The following MYO16 variants were observed in gnomAD, a reference collection of about 807,000 sequenced individuals.
MYO16 encodes the protein unconventional myosin-XVI.
Under a neutral mutation model 205.3 loss-of-function variants are expected in MYO16, and 94 were observed. That is an observed-to-expected ratio of 0.46 (90% CI 0.39 to 0.54). The LOEUF is 0.54. Among genes scored for constraint, MYO16 ranks in the 20% least tolerant of loss-of-function variants. The pLI is 0.00. For missense variants in MYO16, 2,315 were observed against 2,387.5 expected (o/e 0.97, Z 0.63); for synonymous variants, 988 against 954.0 (o/e 1.04, Z -0.66).
intron 28 of MYO16, among the ~76,000 whole-genome samples, chr13:109,106,171 AAG>A (rs1166184469): frequency 6.6e-6 from 1 of 152,266 alleles, no homozygotes; most frequent in Non-Finnish European, 1.5e-5. Flanking sequence ...TTATGAAACG[AAG>A]AGTTCATGGA....
At chr13:108,518,065 C>A in the MYO16 span, among the ~76,000 whole-genome samples, 1 of 152,218 alleles carries the variant, frequency 6.6e-6, no homozygotes, top group East Asian at 1.9e-4. Flanking sequence ...TGGGGGGACA[C>A]CAACATTCAG....
chr13:108,703,613 G>T (rs1435634284), intron 2 of MYO16, among the ~76,000 whole-genome samples: 1 of 152,042 alleles, frequency 6.6e-6, no homozygotes, highest in African/African-American at 2.4e-5. Flanking sequence ...TCTTCTGAAG[G>T]GTGCATGAAA....
chr13:108,849,832 A>G (rs1301542769), intron 10 of MYO16, among the ~76,000 whole-genome samples: 3 of 145,482 alleles, frequency 2.1e-5, no homozygotes, highest in South Asian at 2.2e-4. Context: ...TAACTTATCC[A>G]TACTGGATTA....
At position 109,055,970 on chromosome 13, in the gene MYO16, T is replaced by A. The variant is rs1016829331; in HGVS notation, c.3335+375T>A. 1 of 166,556 alleles carries A rather than the reference T, an allele frequency of 6.0e-6. No individual in the cohort carries two copies. Among genetic ancestry groups the A allele is most frequent in the African/African-American group, 2.4e-5 (1 of 41,660 alleles). The allele number at this position is 166,556 out of a possible 1,614,324, so 10.3% of individuals were successfully genotyped here. ...ATATATGAACAAAATATTATTTAGATCAGTGGTTGGCAAACTACACTCATG... is the reference window on the plus strand; with the variant it reads ...ATATATGAACAAAATATTATTTAGAACAGTGGTTGGCAAACTACACTCATG... On this transcript the variant is annotated intron_variant, in intron 27 of 34. Coordinates refer to ENST00000457511, the MANE Select transcript of MYO16 (RefSeq NM_001198950.3). The surrounding 1 kb of genome is among the most constrained non-coding windows in gnomAD (Gnocchi z 5.0).
chr13:108,939,840 A>G (rs1882648243), intron 16 of MYO16, among the ~76,000 whole-genome samples: 1 of 152,126 alleles, frequency 6.6e-6, no homozygotes, highest in African/African-American at 2.4e-5. Context: ...ATCATACGTG[A>G]TGCGTCATAT....
chr13:108,521,758 T>C, the MYO16 span, among the ~76,000 whole-genome samples: 50,242 of 152,088 alleles, frequency 0.33, 10,191 homozygotes, highest in African/African-American at 0.57. Context: ...TTTTCTTTCC[T>C]GTGACTAGTC....
chr13:108,937,012 C>A (rs987311395), intron 16 of MYO16, among the ~76,000 whole-genome samples: 2 of 152,120 alleles, frequency 1.3e-5, no homozygotes, highest in African/African-American at 4.8e-5. Context: ...TTTAGAACTC[C>A]CTTAAGGGTC....
In MYO16 at chr13:109,141,031, G is replaced by T. The variant is rs994766428; in HGVS notation, c.4819G>T (p.Ala1607Ser). Residue 1607 changes from alanine (A) to serine (S), a missense_variant, in exon 32 of 35, where the codon GCG becomes TCG. Physicochemically the swap from Ala to Ser is moderately conservative, Grantham distance 99 (BLOSUM62 1). Around this residue, in one of 3 missense-constraint regions of MYO16, gnomAD observed 1,097 missense variants for 1,092.0 expected, o/e 1.00. Coordinates refer to ENST00000457511, the MANE Select transcript of MYO16 (RefSeq NM_001198950.3). This position sits in a 1 kb window ranked among gnomAD's most constrained non-coding sequence, Gnocchi z 4.1. ...CCCGCCCCCGCCCGGGCCGCCCCCC[G>T]CGCCCTACAGGCCCTGCGCGCACTT... is the stretch of plus-strand genomic sequence containing the variant. ...PPPPPPGPPP[A>S]PYRPCAHLAF... 1 of 1,288,272 alleles carries T rather than the reference G, an allele frequency of 7.8e-7. No homozygotes were observed. The highest frequency in any genetic ancestry group is 1.7e-5 in the African/African-American group (1 of 58,428). The allele number at this position is 1,288,272 out of a possible 1,614,324, so 79.8% of individuals were successfully genotyped here.
At chr13:108,524,915 C>A in the MYO16 span, among the ~76,000 whole-genome samples, 1 of 152,054 alleles carries the variant, frequency 6.6e-6, no homozygotes, top group Non-Finnish European at 1.5e-5. Flanking sequence ...TAAAGATGGG[C>A]TTTTAAAATC....
intron 12 of MYO16, among the ~76,000 whole-genome samples, chr13:108,866,887 G>A (rs190931254): frequency 6.6e-6 from 1 of 152,214 alleles, no homozygotes. Flanking sequence ...TCCTGAAGCC[G>A]GGGCTCACTC....
At chr13:108,987,349 C>G (rs1884676013) in intron 20 of MYO16, among the ~76,000 whole-genome samples, 1 of 152,056 alleles carries the variant, frequency 6.6e-6, no homozygotes, top group Non-Finnish European at 1.5e-5. Context: ...GAGAGGAACC[C>G]CCAAAAGTAT....
chr13:108,866,092 C>T (rs1878697885), intron 11 of MYO16, 85 bp from the exon 12 acceptor site: 2 of 845,394 alleles, frequency 2.4e-6, no homozygotes, highest in South Asian at 6.5e-5. Flanking sequence ...ATATTTCATA[C>T]ACTGGTTTTT....
At chr13:108,739,844 C>CT (rs747581236) in intron 4 of MYO16, among the ~76,000 whole-genome samples, 2 of 152,170 alleles carry the variant, frequency 1.3e-5, no homozygotes, top group Non-Finnish European at 2.9e-5. Context: ...TCTTTTTACA[C>CT]TTTTTTCTCT....
At chr13:108,635,861 T>C (rs1250362124) in intron 1 of MYO16, among the ~76,000 whole-genome samples, 2 of 152,198 alleles carry the variant, frequency 1.3e-5, no homozygotes, top group Non-Finnish European at 2.9e-5. Context: ...GATTTTTTAC[T>C]AATTGTGTAG....
chr13:108,816,100 T>C (rs1388764499), intron 7 of MYO16, among the ~76,000 whole-genome samples: 1 of 152,170 alleles, frequency 6.6e-6, no homozygotes, highest in Non-Finnish European at 1.5e-5. Context: ...TGCTGGACCG[T>C]CCGGGCCTTT....
At chr13:109,049,632 A>G (rs998428910) in intron 24 of MYO16, among the ~76,000 whole-genome samples, 1 of 151,900 alleles carries the variant, frequency 6.6e-6, no homozygotes, top group African/African-American at 2.4e-5. Flanking sequence ...CAGTTTTATT[A>G]GAGGCATTTT....
At chr13:108,877,741 A>T (rs1178404451) in intron 12 of MYO16, among the ~76,000 whole-genome samples, 1 of 152,090 alleles carries the variant, frequency 6.6e-6, no homozygotes, top group East Asian at 1.9e-4. Flanking sequence ...ATTGCTGCTG[A>T]TCTATTGATT....
At chr13:109,006,080 G>T (rs957381744) in intron 21 of MYO16, among the ~76,000 whole-genome samples, 3 of 152,130 alleles carry the variant, frequency 2.0e-5, no homozygotes, top group African/African-American at 7.2e-5. Flanking sequence ...GCTAGAAGGA[G>T]GACATGAATG....
At chr13:108,578,122 T>C in the MYO16 span, among the ~76,000 whole-genome samples, 1 of 152,334 alleles carries the variant, frequency 6.6e-6, no homozygotes, top group South Asian at 2.1e-4. Flanking sequence ...CAGTTACCAA[T>C]ATCAAGCTTG....
Sources: gnomAD v4.1 joint callset for allele counts (sites outside exome capture counted in the v4.1 genomes callset) on GRCh38, gnomAD v4.1.1 for gene constraint, gnomAD v4.1.1 regional missense constraint, Gnocchi (gnomAD v3.1) non-coding constraint, MANE v1.5 for transcripts, NCBI Gene and HGNC (gene_info 2026-07-23, HGNC 2026-07-21) for gene names.